SLC44A5: variants seen among roughly 807,000 people sequenced by gnomAD.
The protein encoded by SLC44A5 is solute carrier family 44 member 5, also known as choline transporter-like protein 5.
A neutral mutation model predicts 101.8 loss-of-function variants in SLC44A5; 57 were observed. The ratio of observed to expected loss-of-function variants is 0.56; its 90% confidence interval spans 0.45 to 0.70. The LOEUF (loss-of-function observed/expected upper bound fraction) is 0.70. SLC44A5 is among the 30% of genes least tolerant of loss of function. SLC44A5 has a pLI of 0.00. For missense variants in SLC44A5, 737 were observed against 853.1 expected, an observed-to-expected ratio of 0.86 and a Z score of 1.70; for synonymous variants, 281 against 290.9, an observed-to-expected ratio of 0.97 and a Z score of 0.35.
At chr1:75,353,057 G>A (rs1021706024) in intron 3 of SLC44A5, among the ~76,000 whole-genome samples, 3 of 152,028 alleles carry the variant, frequency 2.0e-5, no homozygotes, top group African/African-American at 4.8e-5. Context: ...CAGATGATAC[G>A]TGCTTTTTGC....
intron 3 of SLC44A5, among the ~76,000 whole-genome samples, chr1:75,373,089 A>T (rs535778035): frequency 2.0e-5 from 3 of 152,186 alleles, no homozygotes; most frequent in Non-Finnish European, 4.4e-5. Context: ...TCAACATTTA[A>T]ATTAGGTCAA....
chr1:75,411,675 A>C (rs1663289446), intron 2 of SLC44A5, among the ~76,000 whole-genome samples: 1 of 152,112 alleles, frequency 6.6e-6, no homozygotes, highest in African/African-American at 2.4e-5. Flanking sequence ...AATAAACTCT[A>C]GTATGCCTGG....
intron 1 of SLC44A5, among the ~76,000 whole-genome samples, chr1:75,545,182 C>T (rs868115617): frequency 6.6e-6 from 1 of 152,126 alleles, no homozygotes; most frequent in Admixed American, 6.5e-5. Context: ...GCAAAGGACA[C>T]GATCTCATCC....
At chr1:75,481,761 G>A (rs1215247590) in intron 2 of SLC44A5, among the ~76,000 whole-genome samples, 1 of 152,200 alleles carries the variant, frequency 6.6e-6, no homozygotes, top group Admixed American at 6.5e-5. Context: ...AACAACAGGT[G>A]CTGGAGAAGA....
At chr1:75,369,406 A>G (rs1660082108) in intron 3 of SLC44A5, among the ~76,000 whole-genome samples, 2 of 152,122 alleles carry the variant, frequency 1.3e-5, no homozygotes, top group Admixed American at 1.3e-4. Flanking sequence ...TATCTACTGC[A>G]TTTTTATTTT....
At chr1:75,652,123 C>T in the SLC44A5 span, among the ~76,000 whole-genome samples, 38 of 152,254 alleles carry the variant, frequency 2.5e-4, no homozygotes, top group African/African-American at 8.9e-4. Context: ...CAAGTGAGCA[C>T]GTGCACAATT....
intron 9 of SLC44A5, among the ~76,000 whole-genome samples, chr1:75,241,567 T>C (rs1417355005): frequency 6.6e-6 from 1 of 152,020 alleles, no homozygotes; most frequent in African/African-American, 2.4e-5. Flanking sequence ...AAATAAAATA[T>C]TGACTAATTC....
At chr1:75,592,491 C>A (rs1674409083) in intron 1 of SLC44A5, among the ~76,000 whole-genome samples, 1 of 151,998 alleles carries the variant, frequency 6.6e-6, no homozygotes, top group South Asian at 2.1e-4. Flanking sequence ...ATAGAAAAAA[C>A]AATCCTAAAA....
chr1:75,444,543 T>C (rs1205904488), intron 2 of SLC44A5, among the ~76,000 whole-genome samples: 4 of 140,180 alleles, frequency 2.9e-5, no homozygotes, highest in African/African-American at 5.3e-5. Flanking sequence ...GAAGGAGACA[T>C]AGGAATAAGG....
chr1:75,237,801 T>G (rs1182389070), intron 10 of SLC44A5, among the ~76,000 whole-genome samples: 2 of 152,076 alleles, frequency 1.3e-5, no homozygotes, highest in African/African-American at 4.8e-5. Context: ...TATTGTATTC[T>G]AAATCTGCAG....
intron 2 of SLC44A5, among the ~76,000 whole-genome samples, chr1:75,511,098 G>A (rs1669546621): frequency 1.3e-5 from 2 of 152,124 alleles, no homozygotes; most frequent in African/African-American, 4.8e-5. Context: ...AGCTGAGATC[G>A]CGCAACTGCA....
chr1:75,634,508 G>A, the SLC44A5 span, among the ~76,000 whole-genome samples: 10 of 150,700 alleles, frequency 6.6e-5, no homozygotes, highest in African/African-American at 1.7e-4. Context: ...AAATAACGCC[G>A]CATATCTACA....
intron 6 of SLC44A5, among the ~76,000 whole-genome samples, chr1:75,252,532 CT>C (rs1298107747): frequency 6.6e-6 from 1 of 152,190 alleles, no homozygotes; most frequent in Non-Finnish European, 1.5e-5. Flanking sequence ...TAATAGAACT[CT>C]CCCTACAATC....
rs6678156 is a variant in SLC44A5 at position 75,227,250 on chromosome 1, A to C, written c.985+476T>G. Among the ~76,000 whole-genome samples the C allele has an allele frequency of 8.9e-3, 1,359 of 152,242 alleles. 30 individuals are homozygous for C. The highest frequency in any genetic ancestry group is 0.031 in the African/African-American group (1,290 of 41,536). ...CATGGTGGCACACATCTGTGGTCCT[A>C]GCTACTTGGGAGGCTGAGGTGGTAG... On this transcript the variant is annotated intron_variant, in intron 13 of 23. Coordinates refer to ENST00000370859, the MANE Select transcript of SLC44A5 (RefSeq NM_001130058.2).
intron 4 of SLC44A5, 96 bp downstream of exon 4, chr1:75,339,486 C>A (rs1235354512): frequency 5.4e-6 from 5 of 927,150 alleles, no homozygotes; most frequent in Non-Finnish European, 6.6e-6. Flanking sequence ...ACAGTAGACA[C>A]AATTCTCCAC....
intron 6 of SLC44A5, among the ~76,000 whole-genome samples, chr1:75,271,497 T>TTTTTTTTTTTTTTTTG (rs1553152601): frequency 1.4e-3 from 206 of 146,382 alleles, no homozygotes; most frequent in African/African-American, 5.1e-3. Context: ...TCTGCATGTT[T>TTTTTTTTTTTTTTTTG]TGTGTGTGTG....
At chr1:75,394,390 T>C (rs1231610563) in intron 3 of SLC44A5, among the ~76,000 whole-genome samples, 1 of 152,138 alleles carries the variant, frequency 6.6e-6, no homozygotes, top group African/African-American at 2.4e-5. Flanking sequence ...CTATAAACAA[T>C]TCTTTTGAGT....
intron 2 of SLC44A5, among the ~76,000 whole-genome samples, chr1:75,447,693 C>T (rs538150450): frequency 7.2e-5 from 11 of 152,084 alleles, no homozygotes; most frequent in Non-Finnish European, 1.6e-4. Flanking sequence ...ACTAAACTCA[C>T]ACAAAAATAC....
intron 3 of SLC44A5, among the ~76,000 whole-genome samples, chr1:75,396,177 G>A (rs1050594587): frequency 6.6e-6 from 1 of 152,130 alleles, no homozygotes; most frequent in South Asian, 2.1e-4. Context: ...AGAGCCGGCT[G>A]TCGGAAAAAG....
Sources: gnomAD v4.1 joint callset for allele counts (sites outside exome capture counted in the v4.1 genomes callset) on GRCh38, gnomAD v4.1.1 for gene constraint, MANE v1.5 for transcripts, NCBI Gene and HGNC (gene_info 2026-07-23, HGNC 2026-07-21) for gene names.